Variants in FTCDNL1 observed in about 807,000 individuals in gnomAD.
FTCDNL1 encodes the protein formiminotransferase cyclodeaminase N-terminal like.
Under a neutral mutation model 5.9 loss-of-function variants are expected in FTCDNL1, and 11 were observed. The ratio of observed to expected loss-of-function variants is 1.87; its 90% CI spans 1.18 to 3.10. The LOEUF (loss-of-function observed/expected upper bound fraction) is 3.10, where lower values mean the gene tolerates loss of function less well. Among genes scored for constraint, FTCDNL1 ranks in the 30% most tolerant of loss-of-function variants. The probability of loss-of-function intolerance (pLI) is 0.00; values close to 1 mark genes in which losing one functional copy is unlikely to be tolerated. For synonymous variants in FTCDNL1, 58 were observed against 24.8 expected (o/e 2.34, Z -3.99); for missense variants, 115 against 65.5 (o/e 1.76, Z -2.61).
At chr2:199,797,467 T>G (rs982931494) in intron 3 of FTCDNL1, among the ~76,000 whole-genome samples, 4 of 152,222 alleles carry the variant, frequency 2.6e-5, no homozygotes, top group Non-Finnish European at 4.4e-5. Context: ...GAATCTCATT[T>G]TACTATTTAA....
intron 3 of FTCDNL1, among the ~76,000 whole-genome samples, chr2:199,769,371 G>A (rs1698693970): frequency 6.6e-6 from 1 of 152,102 alleles, no homozygotes; most frequent in African/African-American, 2.4e-5. Context: ...TAAGTCTCAT[G>A]AGCTCTGATA....
At chr2:199,803,444 T>C (rs1269366241) in intron 3 of FTCDNL1, among the ~76,000 whole-genome samples, 1 of 96,586 alleles carries the variant, frequency 1.0e-5, no homozygotes, top group Non-Finnish European at 2.4e-5. Context: ...CCAAGGTTAT[T>C]GTTTTGTTTT....
At chr2:199,729,482 C>G in the FTCDNL1 span, among the ~76,000 whole-genome samples, 1 of 152,172 alleles carries the variant, frequency 6.6e-6, no homozygotes, top group African/African-American at 2.4e-5. Context: ...ATTCTTCAAG[C>G]TGATAAGCAA....
At chr2:199,739,934 C>T in the FTCDNL1 span, among the ~76,000 whole-genome samples, 1 of 152,050 alleles carries the variant, frequency 6.6e-6, no homozygotes, top group South Asian at 2.1e-4. Flanking sequence ...TCCTGGGACA[C>T]GGTGGGGTTT....
chr2:199,761,390 T>C (rs1698263701), intron 3 of FTCDNL1, among the ~76,000 whole-genome samples: 1 of 152,108 alleles, frequency 6.6e-6, no homozygotes. Flanking sequence ...CCCAGGCTGG[T>C]TGGATGAGAT....
the FTCDNL1 span, among the ~76,000 whole-genome samples, chr2:199,716,033 T>TAAAA: frequency 2.4e-4 from 26 of 108,936 alleles, 1 homozygote; most frequent in African/African-American, 8.9e-4. Flanking sequence ...TGCCTCTAGT[T>TAAAA]AAAAAAAAAA....
At chr2:199,787,208 A>G (rs1699699458) in intron 3 of FTCDNL1, among the ~76,000 whole-genome samples, 1 of 151,382 alleles carries the variant, frequency 6.6e-6, no homozygotes, top group Non-Finnish European at 1.5e-5. Context: ...TTGAGATAGA[A>G]TCTCGCTCTG....
chr2:199,778,592 C>G (rs1335636966), intron 3 of FTCDNL1, among the ~76,000 whole-genome samples: 2 of 152,142 alleles, frequency 1.3e-5, no homozygotes, highest in Non-Finnish European at 2.9e-5. Context: ...ATAAATTAAG[C>G]CATGAGTCCT....
At chr2:199,738,844 C>G in the FTCDNL1 span, among the ~76,000 whole-genome samples, 4 of 152,176 alleles carry the variant, frequency 2.6e-5, no homozygotes, top group South Asian at 8.3e-4. Context: ...ATCCCTCTCT[C>G]AGTACTATAG....
rs921372374 is a variant in FTCDNL1, at chr2:199,812,644, G to T, written c.*61C>A. 3 of 666,148 alleles carry T rather than the reference G, an allele frequency of 4.5e-6. No homozygotes were observed. The highest frequency in any genetic ancestry group is 1.8e-5 in the African/African-American group (1 of 55,378). The allele number at this position is 666,148 out of a possible 1,614,324, so 41.3% of individuals were successfully genotyped here. On this transcript the variant is annotated 3_prime_UTR_variant, in exon 5 of 5. Transcript: ENST00000420128. Reference sequence around the variant, plus strand: ...CCGCAGATTGGCACTCAGCTGCTCTGGTGGCAGCACGGATCCCCTCACTGC... The same window carrying T: ...CCGCAGATTGGCACTCAGCTGCTCTTGTGGCAGCACGGATCCCCTCACTGC...
At chr2:199,780,537 C>A in intron 3 of FTCDNL1, among the ~76,000 whole-genome samples, 1 of 152,310 alleles carries the variant, frequency 6.6e-6, no homozygotes, top group South Asian at 2.1e-4. Flanking sequence ...GATGAATTGC[C>A]ATGCTTCTCT....
At chr2:199,711,986 C>G in the FTCDNL1 span, among the ~76,000 whole-genome samples, 1 of 152,228 alleles carries the variant, frequency 6.6e-6, no homozygotes, top group South Asian at 2.1e-4. Context: ...AGAAGCCAGA[C>G]AGTAAGATGC....
the FTCDNL1 span, among the ~76,000 whole-genome samples, chr2:199,746,199 T>A: frequency 5.3e-5 from 8 of 152,220 alleles, no homozygotes; most frequent in African/African-American, 1.9e-4. Context: ...TCCCTTTGCA[T>A]CTTGCATTCT....
chr2:199,791,451 A>C (rs1195945807), intron 3 of FTCDNL1, among the ~76,000 whole-genome samples: 2 of 152,194 alleles, frequency 1.3e-5, no homozygotes, highest in Non-Finnish European at 2.9e-5. Context: ...CTATTAGATT[A>C]TGATTTAAAA....
the FTCDNL1 span, among the ~76,000 whole-genome samples, chr2:199,710,280 G>C: frequency 6.6e-6 from 1 of 152,286 alleles, no homozygotes; most frequent in South Asian, 2.1e-4. Flanking sequence ...GAACAAGAAA[G>C]CTAGGAAACA....
At chr2:199,843,066 G>C (rs2076634734) in intron 3 of FTCDNL1, among the ~76,000 whole-genome samples, 1 of 152,174 alleles carries the variant, frequency 6.6e-6, no homozygotes, top group Non-Finnish European at 1.5e-5. Context: ...GTATAGGACT[G>C]TTTTTAATCA....
chr2:199,753,028 C>T, the FTCDNL1 span, among the ~76,000 whole-genome samples: 5 of 152,124 alleles, frequency 3.3e-5, no homozygotes, highest in African/African-American at 7.2e-5. Flanking sequence ...GACTTTCATC[C>T]TCCAGCAGTG....
At chr2:199,695,937 T>C in the FTCDNL1 span, among the ~76,000 whole-genome samples, 66 of 152,312 alleles carry the variant, frequency 4.3e-4, no homozygotes, top group African/African-American at 1.2e-3. Context: ...GGCAGTCTAA[T>C]CTGAGCACCC....
the FTCDNL1 span, among the ~76,000 whole-genome samples, chr2:199,701,137 A>G: frequency 6.6e-6 from 1 of 152,122 alleles, no homozygotes; most frequent in Non-Finnish European, 1.5e-5. Flanking sequence ...AACTTTGGCC[A>G]ACAATTATTT....
Sources: gnomAD v4.1 joint callset for allele counts (sites outside exome capture counted in the v4.1 genomes callset) on GRCh38, gnomAD v4.1.1 for gene constraint, MANE v1.5 for transcripts, NCBI Gene and HGNC (gene_info 2026-07-23, HGNC 2026-07-21) for gene names.